The following RIT2 variants were observed in gnomAD, a reference collection of about 807,000 sequenced individuals.
The protein encoded by RIT2 is Ras like without CAAX 2.
RIT2 carries 24 observed loss-of-function variants against 23.7 expected under a neutral mutation model. The observed-to-expected ratio is 1.01, with a 90% CI of 0.73 to 1.43. The LOEUF (loss-of-function observed/expected upper bound fraction) is 1.43, where lower values mean the gene tolerates loss of function less well. Among genes scored for constraint, RIT2 ranks in the 40% most tolerant of loss-of-function variants. RIT2 has a pLI of 0.00. For missense variants in RIT2, 236 were observed against 266.9 expected (o/e 0.88, Z 0.81); for synonymous variants, 107 against 91.1 (o/e 1.17, Z -0.99).
intron 4 of RIT2, among the ~76,000 whole-genome samples, chr18:42,871,585 G>A (rs1208626958): frequency 6.6e-6 from 1 of 152,072 alleles, no homozygotes; most frequent in Non-Finnish European, 1.5e-5. Context: ...AAATGTCATG[G>A]ACGCATACTA....
At chr18:42,967,980 A>C (rs1488150267) in intron 3 of RIT2, among the ~76,000 whole-genome samples, 1 of 152,166 alleles carries the variant, frequency 6.6e-6, no homozygotes, top group Non-Finnish European at 1.5e-5. Flanking sequence ...TTAGATAATC[A>C]GCATGTTATA....
chr18:42,885,636 C>T (rs1277319187), intron 4 of RIT2, among the ~76,000 whole-genome samples: 1 of 152,048 alleles, frequency 6.6e-6, no homozygotes, highest in Non-Finnish European at 1.5e-5. Flanking sequence ...GGAAATAGTA[C>T]AAATACATTT....
At chr18:42,850,205 T>G (rs1907016043) in intron 4 of RIT2, among the ~76,000 whole-genome samples, 2 of 152,010 alleles carry the variant, frequency 1.3e-5, no homozygotes, top group African/African-American at 4.8e-5. Context: ...CAATGATAAT[T>G]CTTTGGAATG....
At chr18:43,067,047 G>A (rs1482268649) in intron 1 of RIT2, among the ~76,000 whole-genome samples, 2 of 151,848 alleles carry the variant, frequency 1.3e-5, no homozygotes, top group Non-Finnish European at 2.9e-5. Flanking sequence ...ATAACTATAT[G>A]GAGAAGAATA....
At chr18:43,048,273 T>G (rs1912295335) in intron 1 of RIT2, among the ~76,000 whole-genome samples, 1 of 152,212 alleles carries the variant, frequency 6.6e-6, no homozygotes, top group Non-Finnish European at 1.5e-5. Context: ...AACATGACAT[T>G]AAGTGTAGCA....
intron 2 of RIT2, among the ~76,000 whole-genome samples, chr18:42,984,387 G>T (rs1426709069): frequency 6.6e-6 from 1 of 152,118 alleles, no homozygotes; most frequent in East Asian, 1.9e-4. Context: ...GAACAGATTT[G>T]TGGGTGCCAG....
At chr18:42,859,815 G>T (rs544452232) in intron 4 of RIT2, among the ~76,000 whole-genome samples, 2 of 151,428 alleles carry the variant, frequency 1.3e-5, no homozygotes, top group Non-Finnish European at 2.9e-5. Flanking sequence ...TGTCTCCCAG[G>T]CTGGAGTGCA....
intron 4 of RIT2, among the ~76,000 whole-genome samples, chr18:42,827,952 T>C (rs930258670): frequency 7.7e-6 from 1 of 129,262 alleles, no homozygotes; most frequent in Middle Eastern, 6.2e-3. Flanking sequence ...TTGCAGTGAA[T>C]GAGATCGCGC....
intron 3 of RIT2, among the ~76,000 whole-genome samples, chr18:42,933,786 G>A (rs1909385683): frequency 6.6e-6 from 1 of 152,008 alleles, no homozygotes; most frequent in African/African-American, 2.4e-5. Context: ...TTGGGAGGCT[G>A]AGGCAGGCAG....
intron 4 of RIT2, among the ~76,000 whole-genome samples, chr18:42,779,679 A>G (rs977494705): frequency 1.3e-5 from 2 of 152,230 alleles, no homozygotes; most frequent in Non-Finnish European, 2.9e-5. Context: ...TCTGTTCAAT[A>G]AATAGAAATG....
intron 4 of RIT2, among the ~76,000 whole-genome samples, chr18:42,914,966 G>A (rs1304528781): frequency 2.0e-5 from 3 of 149,184 alleles, no homozygotes; most frequent in African/African-American, 7.4e-5. Flanking sequence ...TGTAAAAGCT[G>A]GATTATGTAA....
intron 2 of RIT2, among the ~76,000 whole-genome samples, chr18:43,017,361 AAAT>A (rs144430465): frequency 0.085 from 12,969 of 151,954 alleles, 659 homozygotes; most frequent in East Asian, 0.17. Context: ...AGGAGTCAAT[AAAT>A]AATAAAAGAT....
chr18:42,819,173 T>C (rs1211994114), intron 4 of RIT2, among the ~76,000 whole-genome samples: 1 of 152,054 alleles, frequency 6.6e-6, no homozygotes, highest in Admixed American at 6.6e-5. Context: ...TAATAAGATG[T>C]TACAGTTGAA....
intron 3 of RIT2, among the ~76,000 whole-genome samples, chr18:42,936,788 G>C (rs1052432788): frequency 2.0e-5 from 3 of 152,070 alleles, no homozygotes; most frequent in African/African-American, 7.2e-5. Flanking sequence ...GAGGCGGGTG[G>C]ATCACCTGAG....
At chr18:43,107,883 G>A (rs116192092) in intron 1 of RIT2, among the ~76,000 whole-genome samples, 3,646 of 152,120 alleles carry the variant, frequency 0.024, 125 homozygotes, top group African/African-American at 0.072. Flanking sequence ...TGAAAATGTG[G>A]CCGGGTGCAG....
At chr18:42,991,895 G>A (rs1910859404) in intron 2 of RIT2, among the ~76,000 whole-genome samples, 2 of 152,064 alleles carry the variant, frequency 1.3e-5, no homozygotes, top group African/African-American at 4.8e-5. Flanking sequence ...GCGGCCAGGT[G>A]ATTAAAAGCT....
In RIT2 at chr18:43,040,089, C is replaced by G. The variant is rs191602549; in HGVS notation, c.104-6222G>C. Reference sequence around the variant, plus strand: ...CTTAGAACAAGAAAAATCATGCTGTCCGTTCCAAAAGATTTTAAAGTTCAC... The same window carrying G: ...CTTAGAACAAGAAAAATCATGCTGTGCGTTCCAAAAGATTTTAAAGTTCAC... On this transcript the variant is annotated intron_variant, in intron 1 of 4. Coordinates refer to ENST00000326695, the MANE Select transcript of RIT2 (RefSeq NM_002930.4). Among the ~76,000 whole-genome samples, 443 of 152,308 alleles carry G rather than the reference C, an allele frequency of 2.9e-3. 1 individual carries two copies. The highest frequency in any genetic ancestry group is 0.01 in the African/African-American group (426 of 41,572).
chr18:43,111,800 G>A (rs1371310588), intron 1 of RIT2, among the ~76,000 whole-genome samples: 1 of 152,064 alleles, frequency 6.6e-6, no homozygotes, highest in Non-Finnish European at 1.5e-5. Flanking sequence ...TGGAAAAGCA[G>A]CTTCAATGGT....
chr18:42,793,875 G>T (rs1447821839), intron 4 of RIT2, among the ~76,000 whole-genome samples: 1 of 152,146 alleles, frequency 6.6e-6, no homozygotes, highest in South Asian at 2.1e-4. Context: ...TGGGTATCAA[G>T]ATTAACCAAA....
Sources: gnomAD v4.1 joint callset for allele counts (sites outside exome capture counted in the v4.1 genomes callset) on GRCh38, gnomAD v4.1.1 for gene constraint, MANE v1.5 for transcripts, NCBI Gene and HGNC (gene_info 2026-07-23, HGNC 2026-07-21) for gene names.